ADGRL3: variants seen among roughly 807,000 people sequenced by gnomAD.
ADGRL3 encodes the protein calcium-independent alpha-latrotoxin receptor 3.
Under a neutral mutation model 153.5 loss-of-function variants are expected in ADGRL3, and 62 were observed. The ratio of observed to expected loss-of-function variants is 0.40; its 90% confidence interval spans 0.33 to 0.50. ADGRL3 has a LOEUF of 0.50. Ranked by LOEUF, ADGRL3 falls within the 20% of genes least tolerant of loss-of-function variation. The pLI is 0.47. For synonymous variants in ADGRL3, 710 were observed against 672.5 expected (o/e 1.06, Z -0.86); for missense variants, 1,641 against 1,859.4 (o/e 0.88, Z 2.16).
At chr4:62,044,777 C>CT (rs545931753) in intron 25 of ADGRL3, among the ~76,000 whole-genome samples, 1 of 151,960 alleles carries the variant, frequency 6.6e-6, no homozygotes, top group Admixed American at 6.6e-5. Flanking sequence ...AAATAAAAAA[C>CT]TTTTTTTCCT....
intron 15 of ADGRL3, among the ~76,000 whole-genome samples, chr4:61,938,263 G>C (rs2098847591): frequency 6.6e-6 from 1 of 152,044 alleles, no homozygotes; most frequent in Non-Finnish European, 1.5e-5. Flanking sequence ...AAAAATGCAT[G>C]GATGTTCTTA....
intron 4 of ADGRL3, among the ~76,000 whole-genome samples, chr4:61,523,632 A>AT (rs1472967539): frequency 3.3e-5 from 5 of 151,922 alleles, no homozygotes; most frequent in East Asian, 1.9e-4. Flanking sequence ...AGTTATTGAG[A>AT]TTTTTTTTAA....
At chr4:61,530,214 T>C (rs1024817069) in intron 4 of ADGRL3, among the ~76,000 whole-genome samples, 8 of 152,060 alleles carry the variant, frequency 5.3e-5, no homozygotes, top group African/African-American at 1.9e-4. Flanking sequence ...AAAGTGTTAG[T>C]GTAGATATAG....
intron 2 of ADGRL3, among the ~76,000 whole-genome samples, chr4:61,439,234 A>C (rs1354074963): frequency 6.6e-6 from 1 of 152,150 alleles, no homozygotes; most frequent in Admixed American, 6.5e-5. Flanking sequence ...TTCTCTGTGA[A>C]TCTATCTGAG....
At chr4:61,227,032 A>AATGATC (rs11281906) in intron 1 of ADGRL3, among the ~76,000 whole-genome samples, 151,793 of 152,220 alleles carry the variant, frequency 1, 75,685 homozygotes, top group Middle Eastern at 1. Context: ...TTTATATCTA[A>AATGATC]ATGAAATCTT....
intron 2 of ADGRL3, among the ~76,000 whole-genome samples, chr4:61,458,334 A>G (rs896093862): frequency 1.2e-4 from 18 of 151,408 alleles, no homozygotes; most frequent in African/African-American, 4.3e-4. Context: ...ATGGGTTATT[A>G]CTTTGATGCT....
intron 2 of ADGRL3, among the ~76,000 whole-genome samples, chr4:61,422,393 T>C (rs2097217280): frequency 1.3e-5 from 2 of 152,192 alleles, no homozygotes; most frequent in South Asian, 2.1e-4. Flanking sequence ...TCAGCCAAGA[T>C]TGTGGCAAAC....
chr4:61,876,840 G>A (rs528793053), intron 9 of ADGRL3, among the ~76,000 whole-genome samples: 23 of 150,788 alleles, frequency 1.5e-4, no homozygotes, highest in Admixed American at 7.2e-4. Flanking sequence ...AGCAGCCCTC[G>A]GGCTGCTCTG....
intron 21 of ADGRL3, among the ~76,000 whole-genome samples, chr4:62,025,707 C>T (rs1718133173): frequency 1.3e-5 from 2 of 152,152 alleles, no homozygotes; most frequent in Non-Finnish European, 2.9e-5. Context: ...TAAGTCACTA[C>T]TTATAAATGA....
At chr4:62,035,450 A>G (rs554135140) in intron 23 of ADGRL3, among the ~76,000 whole-genome samples, 4 of 152,180 alleles carry the variant, frequency 2.6e-5, no homozygotes, top group African/African-American at 9.6e-5. Context: ...CTCATCTAGA[A>G]GGAAATATAC....
intron 8 of ADGRL3, among the ~76,000 whole-genome samples, chr4:61,798,998 A>AGTATATAT (rs2097450739): frequency 1.5e-5 from 1 of 66,224 alleles, no homozygotes; most frequent in African/African-American, 5.7e-5. Flanking sequence ...ATATATAAAC[A>AGTATATAT]GTATATATAT....
At chr4:61,673,763 A>T (rs13115278) in intron 5 of ADGRL3, among the ~76,000 whole-genome samples, 1 of 150,748 alleles carries the variant, frequency 6.6e-6, no homozygotes, top group Non-Finnish European at 1.5e-5. Context: ...CAGAGATTGA[A>T]TCTACCTTTT....
chr4:61,891,999 G>A (rs1241656102), intron 9 of ADGRL3, among the ~76,000 whole-genome samples: 2 of 152,074 alleles, frequency 1.3e-5, no homozygotes, highest in Non-Finnish European at 2.9e-5. Flanking sequence ...ATTTAGGGTT[G>A]TAACTATTTG....
At chr4:61,493,486 G>T (rs543939302) in intron 2 of ADGRL3, among the ~76,000 whole-genome samples, 11 of 152,244 alleles carry the variant, frequency 7.2e-5, no homozygotes, top group South Asian at 4.2e-4. Context: ...TTTCAACATT[G>T]TAAAATATGT....
intron 25 of ADGRL3, among the ~76,000 whole-genome samples, chr4:62,066,354 A>G (rs545679832): frequency 6.6e-6 from 1 of 152,244 alleles, no homozygotes; most frequent in Non-Finnish European, 1.5e-5. Flanking sequence ...GCATAGAAGC[A>G]TTCTTTTTTA....
chr4:61,764,541 C>T (rs377086273), intron 8 of ADGRL3, among the ~76,000 whole-genome samples: 17 of 151,292 alleles, frequency 1.1e-4, no homozygotes, highest in Non-Finnish European at 2.4e-4. Context: ...AGGCAAGGAC[C>T]GGCCATTTAC....
chr4:61,324,585 A>G (rs977952356), intron 1 of ADGRL3, among the ~76,000 whole-genome samples: 4 of 152,214 alleles, frequency 2.6e-5, no homozygotes, highest in Non-Finnish European at 5.9e-5. Context: ...TTGACTTCAT[A>G]CATAGACTTG....
rs183632280 is a variant in ADGRL3 at position 61,869,047 on chromosome 4, A to T, written c.1481-23609A>T. 5.8e-4 allele frequency among the ~76,000 whole-genome samples: 88 copies of T among 152,108 alleles called. 3 individuals carry two copies. The East Asian group carries it at 0.016, about 27-fold the overall frequency. ...AGCCTCGACCTACTGGGCTCAAGTGATCCTCCCACTTCAGCATCCTGAGTA... is the reference window on the plus strand; with the variant it reads ...AGCCTCGACCTACTGGGCTCAAGTGTTCCTCCCACTTCAGCATCCTGAGTA... On this transcript the variant is annotated intron_variant, in intron 9 of 26. Transcript: ENST00000683033.
intron 1 of ADGRL3, among the ~76,000 whole-genome samples, chr4:61,331,607 A>G (rs1299114510): frequency 6.6e-6 from 1 of 152,176 alleles, no homozygotes; most frequent in East Asian, 1.9e-4. Context: ...TTATTTTCCA[A>G]TTTAGGCTTT....
Sources: gnomAD v4.1 joint callset for allele counts (sites outside exome capture counted in the v4.1 genomes callset) on GRCh38, gnomAD v4.1.1 for gene constraint, MANE v1.5 for transcripts, NCBI Gene and HGNC (gene_info 2026-07-23, HGNC 2026-07-21) for gene names.